Variants in STX8 observed in about 807,000 individuals in gnomAD.
STX8 encodes syntaxin-8.
In STX8, 23 loss-of-function variants were observed where a neutral mutation model predicts 37.5. That is an observed-to-expected ratio of 0.61 (90% CI 0.44 to 0.87). STX8 has a LOEUF of 0.87. Among genes scored for constraint, STX8 ranks in the 40% least tolerant of loss-of-function variants. The pLI is 0.00. For synonymous variants in STX8, 115 were observed against 99.1 expected (o/e 1.16, Z -0.95); for missense variants, 313 against 284.7 (o/e 1.10, Z -0.71).
At chr17:9,549,256 G>C (rs1906669627) in intron 3 of STX8, among the ~76,000 whole-genome samples, 1 of 152,144 alleles carries the variant, frequency 6.6e-6, no homozygotes, top group South Asian at 2.1e-4. Context: ...AAAATCAGCA[G>C]ATACTAGTTA....
intron 6 of STX8, among the ~76,000 whole-genome samples, chr17:9,439,654 C>T (rs746381237): frequency 6.6e-5 from 10 of 151,784 alleles, no homozygotes; most frequent in Non-Finnish European, 1.3e-4. Flanking sequence ...TGCCACCATG[C>T]CCAGCTAATT....
chr17:9,301,577 C>T (rs982731738), intron 7 of STX8, among the ~76,000 whole-genome samples: 2 of 151,316 alleles, frequency 1.3e-5, no homozygotes, highest in South Asian at 2.1e-4. Context: ...CCACCTCCCG[C>T]GTTCACGCCA....
intron 6 of STX8, among the ~76,000 whole-genome samples, chr17:9,384,794 T>TTGTGTG (rs59655296): frequency 0.014 from 2,077 of 147,742 alleles, 46 homozygotes; most frequent in African/African-American, 0.044. Context: ...CCAGATAGAC[T>TTGTGTG]TGTGTGTGTG....
intron 3 of STX8, chr17:9,547,255 A>C (rs1015233991): frequency 1.6e-5 from 1 of 62,056 alleles, no homozygotes; most frequent in Non-Finnish European, 3.8e-5. Context: ...TCAAAAAAAA[A>C]AAAAAAAAAA....
At chr17:9,413,327 T>A (rs989186998) in intron 6 of STX8, among the ~76,000 whole-genome samples, 1 of 152,118 alleles carries the variant, frequency 6.6e-6, no homozygotes, top group African/African-American at 2.4e-5. Flanking sequence ...TTATTGCACA[T>A]CAACTGGCAA....
chr17:9,539,967 A>T (rs1018244216), intron 4 of STX8, among the ~76,000 whole-genome samples: 1 of 152,234 alleles, frequency 6.6e-6, no homozygotes, highest in African/African-American at 2.4e-5. Flanking sequence ...CATGTCATAT[A>T]ATGAACAAGT....
intron 6 of STX8, among the ~76,000 whole-genome samples, chr17:9,486,209 T>C (rs1257965338): frequency 6.6e-6 from 1 of 152,114 alleles, no homozygotes; most frequent in Non-Finnish European, 1.5e-5. Flanking sequence ...AAACAGCATT[T>C]CCCAATAAAA....
chr17:9,550,336 G>A (rs1480052414), intron 3 of STX8, among the ~76,000 whole-genome samples: 3 of 152,078 alleles, frequency 2.0e-5, no homozygotes, highest in Admixed American at 1.3e-4. Context: ...GACAGATAAA[G>A]AAAAGGAAGA....
intron 7 of STX8, among the ~76,000 whole-genome samples, chr17:9,268,923 C>T (rs917779375): frequency 4.6e-5 from 7 of 152,194 alleles, no homozygotes; most frequent in Non-Finnish European, 2.9e-5. Flanking sequence ...TGCAGTGGCT[C>T]ACGCCTGTAA....
chr17:9,494,516 G>A (rs1340647805), intron 5 of STX8, among the ~76,000 whole-genome samples: 6 of 149,890 alleles, frequency 4.0e-5, no homozygotes, highest in African/African-American at 1.5e-4. Flanking sequence ...CCAGCTACTC[G>A]GAGGTGGATG....
At position 9,269,001 on chromosome 17, in the gene STX8, A is replaced by C. The variant is rs536857588; in HGVS notation, c.644-18356T>G. On this transcript the variant is annotated intron_variant, in intron 7 of 7. Transcript: ENST00000306357. ...AGCAGATCGAGACCATCCTGGCTAA[A>C]ACGGTGAAACCCCGTCTCTACTAAA... 2.0e-3 allele frequency among the ~76,000 whole-genome samples: 294 copies of C among 144,620 alleles called. 1 individual carries two copies. Among genetic ancestry groups the C allele is most frequent in the East Asian group, 0.015 (75 of 5,156 alleles). 94.9% of individuals were successfully genotyped at this position (144,620 alleles called of 152,430 possible).
intron 7 of STX8, among the ~76,000 whole-genome samples, chr17:9,258,796 T>C (rs530195620): frequency 1.3e-5 from 2 of 152,214 alleles, no homozygotes; most frequent in African/African-American, 4.8e-5. Context: ...TGCATCTGAC[T>C]CATCAATGGA....
chr17:9,287,286 CTAGT>C (rs1162011089), intron 7 of STX8, among the ~76,000 whole-genome samples: 2 of 152,058 alleles, frequency 1.3e-5, no homozygotes, highest in Admixed American at 6.6e-5. Flanking sequence ...AACAGGGGGA[CTAGT>C]TAAAGACTAT....
intron 6 of STX8, among the ~76,000 whole-genome samples, chr17:9,479,465 C>T (rs181649704): frequency 6.6e-6 from 1 of 151,514 alleles, no homozygotes. Context: ...ACCCAGGAAG[C>T]AGAGGTTGCA....
intron 6 of STX8, among the ~76,000 whole-genome samples, chr17:9,473,591 C>T (rs1454882989): frequency 1.3e-5 from 2 of 152,056 alleles, no homozygotes; most frequent in Non-Finnish European, 2.9e-5. Context: ...ATAGATGTTA[C>T]GCTATATGGT....
intron 7 of STX8, among the ~76,000 whole-genome samples, chr17:9,375,457 T>C (rs1255242082): frequency 6.6e-6 from 1 of 152,212 alleles, no homozygotes; most frequent in African/African-American, 2.4e-5. Flanking sequence ...TGTGCTGAGT[T>C]ACTATGTTGC....
At chr17:9,565,039 C>T (rs1907399905) in intron 2 of STX8, among the ~76,000 whole-genome samples, 1 of 152,032 alleles carries the variant, frequency 6.6e-6, no homozygotes, top group African/African-American at 2.4e-5. Flanking sequence ...AAGAGCCCAT[C>T]TCTACTAAAA....
At chr17:9,287,701 C>T (rs926803761) in intron 7 of STX8, among the ~76,000 whole-genome samples, 3 of 152,118 alleles carry the variant, frequency 2.0e-5, no homozygotes, top group African/African-American at 7.2e-5. Context: ...GTGAAATCTG[C>T]AATTCAACAG....
At chr17:9,275,281 T>A (rs1907632382) in intron 7 of STX8, among the ~76,000 whole-genome samples, 2 of 152,140 alleles carry the variant, frequency 1.3e-5, no homozygotes, top group Non-Finnish European at 1.5e-5. Context: ...TTCTTTCCTT[T>A]GTCTATTACC....
Sources: gnomAD v4.1 joint callset for allele counts (sites outside exome capture counted in the v4.1 genomes callset) on GRCh38, gnomAD v4.1.1 for gene constraint, MANE v1.5 for transcripts, NCBI Gene and HGNC (gene_info 2026-07-23, HGNC 2026-07-21) for gene names.